The following LRP1B variants were observed in gnomAD, a reference collection of about 807,000 sequenced individuals.
The protein encoded by LRP1B is low-density lipoprotein receptor-related protein 1B.
LRP1B carries 217 observed loss-of-function variants against 556.6 expected under a neutral mutation model. The ratio of observed to expected loss-of-function variants is 0.39; its 90% CI spans 0.35 to 0.44. The LOEUF is 0.44. Ranked by LOEUF, LRP1B falls within the 20% of genes least tolerant of loss-of-function variation. The pLI is 1.00. For synonymous variants in LRP1B, 2,047 were observed against 1,865.8 expected (o/e 1.10, Z -2.50); for missense variants, 5,053 against 5,620.8 (o/e 0.90, Z 3.23).
At chr2:141,418,749 T>G (rs1680028185) in intron 3 of LRP1B, among the ~76,000 whole-genome samples, 2 of 139,408 alleles carry the variant, frequency 1.4e-5, no homozygotes, top group Admixed American at 1.4e-4. Flanking sequence ...ATTTTAGAAT[T>G]TTTTTTTTCT....
intron 3 of LRP1B, among the ~76,000 whole-genome samples, chr2:141,416,446 A>ATTTT (rs34512949): frequency 7.3e-4 from 75 of 103,404 alleles, no homozygotes; most frequent in African/African-American, 1.7e-3. Context: ...TTTGACAGCC[A>ATTTT]TTTTTTTTTT....
chr2:140,365,999 T>G (rs1404276904), intron 71 of LRP1B, among the ~76,000 whole-genome samples: 1 of 151,716 alleles, frequency 6.6e-6, no homozygotes, highest in Non-Finnish European at 1.5e-5. Context: ...GAGTTCTGAC[T>G]TGTTACACAA....
rs552914868 is a variant in LRP1B at position 140,466,012 on chromosome 2, T to C, written c.9626-8361A>G. On this transcript the variant is annotated intron_variant, in intron 60 of 90. Transcript: ENST00000389484. ...GACTGTGAATGATAGAATTTTTTTTTCAAAAGTACTAAAATGCAATATCTT... is the reference window on the plus strand; with the variant it reads ...GACTGTGAATGATAGAATTTTTTTTCCAAAAGTACTAAAATGCAATATCTT... Among the ~76,000 whole-genome samples, 22 of 151,998 alleles carry C rather than the reference T, an allele frequency of 1.4e-4. No individual in the cohort carries two copies. The South Asian group carries it at 2.5e-3, about 17-fold the overall frequency.
intron 3 of LRP1B, among the ~76,000 whole-genome samples, chr2:141,317,394 C>A (rs1440735354): frequency 2.6e-5 from 4 of 152,086 alleles, no homozygotes; most frequent in Non-Finnish European, 2.9e-5. Flanking sequence ...TCAAGCTGTA[C>A]CCTCTGTGTA....
intron 1 of LRP1B, among the ~76,000 whole-genome samples, chr2:142,117,755 G>T (rs1004432815): frequency 1.3e-5 from 2 of 152,058 alleles, no homozygotes; most frequent in Admixed American, 6.6e-5. Context: ...CTGTAACCCT[G>T]GGCCCACAAT....
chr2:141,084,982 G>C (rs1466908119), intron 7 of LRP1B, among the ~76,000 whole-genome samples: 1 of 152,052 alleles, frequency 6.6e-6, no homozygotes, highest in East Asian at 1.9e-4. Context: ...TTATGGAGTA[G>C]AGCCATGTTT....
intron 41 of LRP1B, among the ~76,000 whole-genome samples, chr2:140,692,940 T>C (rs1686297545): frequency 6.6e-6 from 1 of 152,184 alleles, no homozygotes; most frequent in Admixed American, 6.5e-5. Context: ...TACTTGAATT[T>C]TTGAATATAG....
At chr2:142,093,225 C>G (rs190793005) in intron 1 of LRP1B, among the ~76,000 whole-genome samples, 1 of 152,056 alleles carries the variant, frequency 6.6e-6, no homozygotes, top group African/African-American at 2.4e-5. Context: ...ACTTTCCTAG[C>G]GAACTATGAG....
intron 2 of LRP1B, among the ~76,000 whole-genome samples, chr2:141,614,671 A>G (rs6709834): frequency 0.052 from 7,957 of 152,180 alleles, 227 homozygotes; most frequent in Non-Finnish European, 0.063. Context: ...TAGATCTACA[A>G]ATGAAGGAAT....
chr2:141,243,851 G>A (rs2105321116), intron 5 of LRP1B, among the ~76,000 whole-genome samples: 1 of 152,232 alleles, frequency 6.6e-6, no homozygotes, highest in South Asian at 2.1e-4. Flanking sequence ...AAGGCCTCCT[G>A]TCTAACATTA....
At chr2:141,312,135 A>G (rs1270893000) in intron 3 of LRP1B, among the ~76,000 whole-genome samples, 1 of 152,172 alleles carries the variant, frequency 6.6e-6, no homozygotes, top group Non-Finnish European at 1.5e-5. Context: ...TTTCGATAAA[A>G]GTTACACAAA....
At chr2:140,526,493 C>T (rs1374890456) in intron 47 of LRP1B, 143 bp from the exon 48 acceptor site, 3 of 587,214 alleles carry the variant, frequency 5.1e-6, no homozygotes, top group Admixed American at 2.7e-5. Flanking sequence ...ACCCCTGAAC[C>T]CCACCTTCAA....
chr2:140,839,381 G>A (rs1240019558), intron 31 of LRP1B, among the ~76,000 whole-genome samples: 1 of 152,152 alleles, frequency 6.6e-6, no homozygotes, highest in Non-Finnish European at 1.5e-5. Context: ...TGAAGCTGTT[G>A]CCAAAGGAGA....
chr2:141,992,820 C>T lies in LRP1B; in HGVS notation c.82+137828G>A, dbSNP rs1702384965. ...CTATGAAATGACTGGAGTCAGTGCT[C>T]AGGGCTCCATAGATCTCTAAAGACT... On this transcript the variant is annotated intron_variant, in intron 1 of 90. Transcript: ENST00000389484. Among the ~76,000 whole-genome samples the T allele has an allele frequency of 2.0e-5, 3 of 152,056 alleles. No individual in the cohort carries two copies. In the South Asian group the frequency reaches 6.2e-4, roughly 32 times the overall value.
chr2:140,412,340 G>A (rs1346380689), intron 66 of LRP1B, among the ~76,000 whole-genome samples: 2 of 151,868 alleles, frequency 1.3e-5, no homozygotes, highest in East Asian at 3.9e-4. Flanking sequence ...GAACCATTTG[G>A]GTACTCCCAA....
intron 1 of LRP1B, among the ~76,000 whole-genome samples, chr2:142,116,254 T>C (rs1321066808): frequency 1.3e-5 from 2 of 148,922 alleles, no homozygotes; most frequent in African/African-American, 4.9e-5. Context: ...TGATCAAGAT[T>C]AACATAACTA....
At chr2:140,610,548 A>G (rs1344203428) in intron 41 of LRP1B, among the ~76,000 whole-genome samples, 2 of 152,184 alleles carry the variant, frequency 1.3e-5, no homozygotes, top group East Asian at 3.9e-4. Context: ...TAGCTATATG[A>G]TCCTGGAAAA....
At chr2:141,510,513 A>T (rs980201761) in intron 2 of LRP1B, among the ~76,000 whole-genome samples, 1 of 152,064 alleles carries the variant, frequency 6.6e-6, no homozygotes, top group Non-Finnish European at 1.5e-5. Flanking sequence ...TTTTACCAGC[A>T]GGTGTGTTGG....
chr2:141,323,306 A>T (rs937811140), intron 3 of LRP1B, among the ~76,000 whole-genome samples: 3 of 152,142 alleles, frequency 2.0e-5, no homozygotes, highest in African/African-American at 7.2e-5. Context: ...GTAGGAACAC[A>T]AGTACAAATA....
Sources: allele counts gnomAD v4.1 joint callset (sites outside exome capture counted in the v4.1 genomes callset), GRCh38; gene constraint gnomAD v4.1.1; transcripts MANE v1.5; gene names NCBI Gene and HGNC (gene_info 2026-07-23, HGNC 2026-07-21).